The following CAPN15 variants were observed in gnomAD, a reference collection of about 807,000 sequenced individuals.
CAPN15 encodes calpain 15.
A neutral mutation model predicts 97.9 loss-of-function variants in CAPN15; 53 were observed. That is an observed-to-expected ratio of 0.54 (90% CI 0.43 to 0.68). CAPN15 has a LOEUF of 0.68. CAPN15 is among the 30% of genes least tolerant of loss of function. The pLI, the probability that CAPN15 is intolerant of heterozygous loss-of-function variation, is 0.00. For missense variants in CAPN15, 1,592 were observed against 1,589.8 expected, an observed-to-expected ratio of 1.00 and a Z score of -0.02; for synonymous variants, 922 against 722.5, an observed-to-expected ratio of 1.28 and a Z score of -4.43.
chr16:537,151 C>G (rs913570851), intron 3 of CAPN15: 19 of 985,352 alleles, frequency 1.9e-5, no homozygotes, highest in Non-Finnish European at 2.3e-5. Context: ...TCTTCTCTTC[C>G]GAGCACCCAC....
chr16:544,044 CTCAA>C (rs1465141263), intron 3 of CAPN15, among the ~76,000 whole-genome samples: 1 of 152,188 alleles, frequency 6.6e-6, no homozygotes, highest in Non-Finnish European at 1.5e-5. Context: ...GCCTGGCGCC[CTCAA>C]TCAGTAAGTC....
At chr16:549,242 G>GGGGGGGGGGGA in intron 5 of CAPN15, 41 bp downstream of exon 5, 2 of 298,896 alleles carry the variant, frequency 6.7e-6, no homozygotes, top group Non-Finnish European at 1.3e-5. Flanking sequence ...GGGTGGGCGG[G>GGGGGGGGGGGA]CGACCGGCCG....
chr16:548,072 C>T lies in CAPN15; in HGVS notation c.1234C>T (p.Arg412Cys), dbSNP rs991904599. ...GAAGGCCGCCCGCGTCCTGCCCGAG[C>T]GCCCGGGCCAGTGGGCCTGCCCTGC... is the stretch of plus-strand genomic sequence containing the variant. Reference protein sequence around the residue: ...AQKAARVLPERPGQWACPACT... With the variant: ...AQKAARVLPECPGQWACPACT... Residue 412 changes from arginine (R) to cysteine (C), a missense_variant, in exon 4 of 14, where the codon CGC (arginine) becomes TGC (cysteine). Physicochemically the swap from Arg to Cys is radical, Grantham distance 180. This residue lies in a region of CAPN15 where 883 missense variants were observed against 776.6 expected (regional missense o/e 1.14). Transcript: ENST00000219611. The T allele has an allele frequency of 3.7e-5, 57 of 1,538,954 alleles. 1 individual carries two copies. Among genetic ancestry groups the T allele is most frequent in the Middle Eastern group, 1.7e-4 (1 of 5,894 alleles).
chr16:547,166 A>G lies in CAPN15; in HGVS notation c.328A>G (p.Thr110Ala). 1 of 1,542,900 alleles carries G rather than the reference A, an allele frequency of 6.5e-7. No homozygotes were observed. Among genetic ancestry groups the G allele is most frequent in the Non-Finnish European group, 8.7e-7 (1 of 1,148,552 alleles). The change falls in exon 4 of 14, where the codon ACT becomes GCT. Residue 110 changes from threonine to alanine, a missense_variant. This residue lies in a region of CAPN15 where 883 missense variants were observed against 776.6 expected (regional missense o/e 1.14). Coordinates refer to ENST00000219611, the MANE Select transcript of CAPN15 (RefSeq NM_005632.3). ...CCAGGAGGAAGCAGGTCCAGTGAGG[A>G]CTGCGGGGCTGGTGGCCACGGAGCC... ...SCQEEAGPVR[T>A]AGLVATEPAR... is the part of the protein sequence containing the mutation.
In CAPN15 at chr16:552,647, C is replaced by T. The variant is rs200960455; in HGVS notation, c.2780C>T (p.Pro927Leu). 2.4e-3 allele frequency: 3,682 copies of T among 1,537,574 alleles called. 10 individuals carry two copies. Among genetic ancestry groups the T allele is most frequent in the Non-Finnish European group, 3.0e-3 (3,449 of 1,142,964 alleles). The change falls in exon 12 of 14, where the codon CCG becomes CTG. Residue 927 changes from proline to leucine, a missense_variant. By Grantham distance (98) the Pro-to-Leu change is moderately conservative. Around this residue, in one of 3 missense-constraint regions of CAPN15, gnomAD observed 644 missense variants for 699.6 expected, o/e 0.92. Transcript: ENST00000219611. The surrounding 1 kb of genome is among the most constrained non-coding windows in gnomAD (Gnocchi z 6.4). ...GGGGTCCCGAGAGCCTCCCCAGAGC[C>T]GCCGGGCCACGTGCTGGCTGTGTAC... ...SAGVPRASPE[P>L]PGHVLAVYSS...
rs769098363 is a variant in CAPN15 at position 549,190 on chromosome 16, G to A, written c.1647G>A (p.Leu549=). Residue 549 remains leucine, a synonymous_variant, in exon 5 of 14, where the codon CTG becomes CTA. Coordinates refer to ENST00000219611, the MANE Select transcript of CAPN15 (RefSeq NM_005632.3). ...CCTCAGACATCCTGCAGGGGCTGCT[G>A]GGGAACTGCTGGTGAGGCCTTCTCC... ...LRPSDILQGL[L]GNCWFLSALA... 6.2e-7 allele frequency: 1 copy of A among 1,604,326 alleles called. No homozygotes were observed. Among genetic ancestry groups the A allele is most frequent in the Non-Finnish European group, 8.5e-7 (1 of 1,177,284 alleles).
At chr16:543,113 AC>A (rs1567144086) in intron 3 of CAPN15, among the ~76,000 whole-genome samples, 1 of 152,086 alleles carries the variant, frequency 6.6e-6, no homozygotes, top group Non-Finnish European at 1.5e-5. Flanking sequence ...CGATCGTGCC[AC>A]CGCACTCCAG....
At position 532,172 on chromosome 16, in the gene CAPN15, G is replaced by A. The variant is rs145722780; in HGVS notation, c.-189-1774G>A. ...GTAGAATTGCTTGAACCTGGGAGGCGGAGGTTGCAGTTAGCCGGGATGGCA... is the reference window on the plus strand; with the variant it reads ...GTAGAATTGCTTGAACCTGGGAGGCAGAGGTTGCAGTTAGCCGGGATGGCA... On this transcript the variant is annotated intron_variant, in intron 1 of 13. Coordinates refer to ENST00000219611, the MANE Select transcript of CAPN15 (RefSeq NM_005632.3). Among the ~76,000 whole-genome samples the A allele has an allele frequency of 9.5e-3, 1,386 of 146,198 alleles. 28 individuals are homozygous for A. The highest frequency in any genetic ancestry group is 0.033 in the African/African-American group (1,313 of 39,434).
chr16:552,773 T>TGG lies in CAPN15; in HGVS notation c.2904+4_2904+5dup, dbSNP rs2035188085. ...GAGAGCCGCGGAGAGCGGCACGAGGTGGGTGGGGGTCCCGGGGGAGGGTGG... is the reference window on the plus strand; with the variant it reads ...GAGAGCCGCGGAGAGCGGCACGAGGTGGGGGTGGGGGTCCCGGGGGAGGGTGG... On this transcript the variant is annotated splice_region_variant and intron_variant, in intron 12 of 13. Transcript: ENST00000219611. The surrounding 1 kb of genome is among the most constrained non-coding windows in gnomAD (Gnocchi z 6.4). The TGG allele has an allele frequency of 6.7e-7, 1 of 1,499,978 alleles. No homozygotes were observed. Among genetic ancestry groups the TGG allele is most frequent in the Non-Finnish European group, 8.9e-7 (1 of 1,118,716 alleles). 92.9% of individuals were successfully genotyped at this position (1,499,978 alleles called of 1,614,324 possible).
intron 1 of CAPN15, among the ~76,000 whole-genome samples, chr16:529,398 C>T (rs1038241141): frequency 6.6e-6 from 1 of 152,180 alleles, no homozygotes; most frequent in Non-Finnish European, 1.5e-5. Flanking sequence ...CTTGCCCTGG[C>T]CTTGGGCAGC....
At chr16:533,364 G>GA (rs1555440491) in intron 1 of CAPN15, among the ~76,000 whole-genome samples, 1 of 152,258 alleles carries the variant, frequency 6.6e-6, no homozygotes, top group East Asian at 1.9e-4. Context: ...CCGCCATGGA[G>GA]AGCATGACCT....
chr16:553,181 C>CCT, intron 13 of CAPN15, 140 bp downstream of exon 13: 1 of 173,142 alleles, frequency 5.8e-6, no homozygotes, highest in Non-Finnish European at 1.1e-5. Context: ...CCAACCCATG[C>CCT]CCCCCCCACC....
At chr16:550,987 AGGGTCCCGGTCGGTGAG>A in intron 7 of CAPN15, among the ~76,000 whole-genome samples, 1 of 34,076 alleles carries the variant, frequency 2.9e-5, no homozygotes, top group South Asian at 1.1e-3. Flanking sequence ...CCTGTTGGTG[AGGGTCCCGGTCGGTGAG>A]GGTCCCCTGT....
Position 551,174 on chromosome 16 carries a change from C to T in CAPN15, c.2067-128C>T, listed in dbSNP as rs567087105. 1.5e-3 allele frequency: 2,169 copies of T among 1,437,266 alleles called. 6 individuals are homozygous for T. Among genetic ancestry groups the T allele is most frequent in the Non-Finnish European group, 1.8e-3 (2,012 of 1,089,252 alleles). 89.0% of individuals were successfully genotyped at this position (1,437,266 alleles called of 1,614,324 possible). A position where few individuals can be genotyped will look rare whatever the true frequency, so the allele number is the denominator to read the frequency against. ...GAGGGCGCCCCGTCGGTGAGGGTCC[C>T]GGTCGGTGAGGGCCCCGGTCGGTGA... is the stretch of plus-strand genomic sequence containing the variant. On this transcript the variant is annotated intron_variant, in intron 7 of 13. Transcript: ENST00000219611.
At position 548,041 on chromosome 16, in the gene CAPN15, G is replaced by A. The variant is rs199911780; in HGVS notation, c.1203G>A (p.Ser401=). ...GCAGAAGCTGCGGACGGGTGTCCTC[G>A]GCCCAGAAGGCCGCCCGCGTCCTGC... ...PCGRSCGRVS[S]AQKAARVLPE... is the part of the protein sequence containing the mutation. The change falls in exon 4 of 14, where the codon TCG becomes TCA. Residue 401 remains serine (S), a synonymous_variant. Coordinates refer to ENST00000219611, the MANE Select transcript of CAPN15 (RefSeq NM_005632.3). 338 of 1,557,338 alleles carry A rather than the reference G, an allele frequency of 2.2e-4. No individual in the cohort carries two copies. In the East Asian group the frequency reaches 7.2e-3, roughly 33 times the overall value.
chr16:541,220 C>G (rs2034088798), intron 3 of CAPN15, among the ~76,000 whole-genome samples: 1 of 152,386 alleles, frequency 6.6e-6, no homozygotes, highest in South Asian at 2.1e-4. Context: ...GGCCTGGGAA[C>G]CAGCCTCCAG....
At chr16:534,754 C>T (rs1351926817) in intron 2 of CAPN15, among the ~76,000 whole-genome samples, 3 of 152,174 alleles carry the variant, frequency 2.0e-5, no homozygotes, top group Non-Finnish European at 4.4e-5. Context: ...CAAGGCCAGG[C>T]CACCAGCTGC....
intron 4 of CAPN15, among the ~76,000 whole-genome samples, chr16:548,557 C>T (rs60905058): frequency 0.08 from 12,214 of 152,324 alleles, 1,655 homozygotes; most frequent in African/African-American, 0.28. Context: ...CCCCGAGCCC[C>T]GTCTGATGTG....
rs1425741209 is a variant in CAPN15 at position 527,850 on chromosome 16, C to G, written c.-369C>G. 1 of 146,596 alleles carries G rather than the reference C, an allele frequency of 6.8e-6. No individual in the cohort carries two copies. The allele number at this position is 146,596 out of a possible 1,614,324, so 9.1% of individuals were successfully genotyped here. On this transcript the variant is annotated 5_prime_UTR_variant, in exon 1 of 14. Transcript: ENST00000219611. Reference sequence around the variant, plus strand: ...GCAGGGGCCGGGGCCGGAGCCGGGTCGGGGCGCCCCGCGGCTGAGGAGCGG... The same window carrying G: ...GCAGGGGCCGGGGCCGGAGCCGGGTGGGGGCGCCCCGCGGCTGAGGAGCGG...
Sources: gnomAD v4.1 joint callset for allele counts (sites outside exome capture counted in the v4.1 genomes callset) on GRCh38, gnomAD v4.1.1 for gene constraint, gnomAD v4.1.1 regional missense constraint, Gnocchi (gnomAD v3.1) non-coding constraint, MANE v1.5 for transcripts, NCBI Gene and HGNC (gene_info 2026-07-23, HGNC 2026-07-21) for gene names.